FAM98A: variants seen among roughly 807,000 people sequenced by gnomAD.
The protein encoded by FAM98A is tRNA splicing ligase complex subunit 3A, also known as protein FAM98A.
A neutral mutation model predicts 62.9 loss-of-function variants in FAM98A; 25 were observed. The ratio of observed to expected loss-of-function variants is 0.40; its 90% CI spans 0.29 to 0.56. The LOEUF is 0.56. FAM98A is among the 20% of genes least tolerant of loss of function. The pLI is 0.51. For missense variants in FAM98A, 653 were observed against 640.7 expected (o/e 1.02, Z -0.21); for synonymous variants, 252 against 228.6 (o/e 1.10, Z -0.92).
chr2:33,594,535 TAAAAAAA>T (rs1160445620), intron 2 of FAM98A, among the ~76,000 whole-genome samples: 14 of 34,274 alleles, frequency 4.1e-4, no homozygotes, highest in African/African-American at 2.4e-3. Flanking sequence ...AACATAAAGT[TAAAAAAA>T]AAAAAAAAAA....
intron 1 of FAM98A, among the ~76,000 whole-genome samples, chr2:33,598,660 C>G (rs931499421): frequency 6.6e-6 from 1 of 152,068 alleles, no homozygotes; most frequent in African/African-American, 2.4e-5. Context: ...GATGCAGCGC[C>G]CATACAAGTG....
Position 33,585,545 on chromosome 2 carries a change from G to C in FAM98A, c.873C>G (p.Ala291=), listed in dbSNP as rs760181620. 7.4e-6 allele frequency: 12 copies of C among 1,614,178 alleles called. No homozygotes were observed. Among genetic ancestry groups the C allele is most frequent in the Non-Finnish European group, 1.0e-5 (12 of 1,180,040 alleles). Residue 291 remains alanine, a synonymous_variant, in exon 7 of 8, where the codon GCC becomes GCG. Transcript: ENST00000238823. ...TSSGSIREKT[A]CAINKVLMGR... is the part of the protein sequence containing the mutation. ...CTCTAATCACCTTATTGATGGCACA[G>C]GCAGTCTTTTCTCTTATAGAGCCGC...
At chr2:33,585,989 C>T (rs575908761) in intron 6 of FAM98A, among the ~76,000 whole-genome samples, 1 of 152,286 alleles carries the variant, frequency 6.6e-6, no homozygotes, top group East Asian at 1.9e-4. Flanking sequence ...AAGGTTCCCC[C>T]ATCATTGGTC....
chr2:33,591,936 G>A (rs1015813590), intron 3 of FAM98A, 144 bp downstream of exon 3: 7 of 738,784 alleles, frequency 9.5e-6, no homozygotes, highest in Non-Finnish European at 1.5e-5. Context: ...CTCCTAAATT[G>A]GAAATTTAAG....
intron 1 of FAM98A, among the ~76,000 whole-genome samples, chr2:33,597,933 A>G (rs936485233): frequency 2.0e-5 from 3 of 152,236 alleles, no homozygotes; most frequent in Non-Finnish European, 1.5e-5. Flanking sequence ...TGTGTGAACA[A>G]GCGATTCAGT....
At chr2:33,596,707 C>G (rs6718437) in intron 1 of FAM98A, among the ~76,000 whole-genome samples, 23,767 of 151,850 alleles carry the variant, frequency 0.16, 2,347 homozygotes, top group Non-Finnish European at 0.23. Context: ...CTGGCTAACA[C>G]GATGAAACCC....
At chr2:33,593,167 G>T (rs551986638) in intron 2 of FAM98A, among the ~76,000 whole-genome samples, 1 of 152,330 alleles carries the variant, frequency 6.6e-6, no homozygotes, top group East Asian at 1.9e-4. Flanking sequence ...ACTTTGGAAG[G>T]CCGAGACGAG....
At chr2:33,592,556 G>T (rs533496574) in intron 2 of FAM98A, among the ~76,000 whole-genome samples, 1 of 152,112 alleles carries the variant, frequency 6.6e-6, no homozygotes, top group Non-Finnish European at 1.5e-5. Flanking sequence ...CTTTTGTAGA[G>T]ACTAGGTCTC....
intron 6 of FAM98A, among the ~76,000 whole-genome samples, chr2:33,586,282 T>C (rs1437281098): frequency 1.3e-5 from 2 of 152,362 alleles, no homozygotes; most frequent in African/African-American, 4.8e-5. Flanking sequence ...TTTATTATTT[T>C]AGTAATTTTC....
intron 4 of FAM98A, chr2:33,587,995 A>C (rs1216792064): frequency 3.6e-6 from 1 of 278,344 alleles, no homozygotes; most frequent in Admixed American, 4.4e-5. Flanking sequence ...GTGATAAAGA[A>C]CTTAAATTGA....
chr2:33,589,707 C>T (rs764598291), intron 3 of FAM98A: 5 of 152,126 alleles, frequency 3.3e-5, no homozygotes, highest in Non-Finnish European at 7.4e-5. Flanking sequence ...TGAGTTAAAA[C>T]GTCAAAACAG....
At chr2:33,591,535 G>C (rs1423088133) in intron 3 of FAM98A, among the ~76,000 whole-genome samples, 1 of 152,084 alleles carries the variant, frequency 6.6e-6, no homozygotes, top group East Asian at 1.9e-4. Flanking sequence ...CTCAGAATAA[G>C]TACCAGAACA....
intron 1 of FAM98A, among the ~76,000 whole-genome samples, chr2:33,598,627 C>T (rs185587056): frequency 6.6e-6 from 1 of 152,236 alleles, no homozygotes; most frequent in African/African-American, 2.4e-5. Context: ...GTTAGATGCA[C>T]AAGCGAGCTG....
chr2:33,594,664 TACAC>T (rs1677759377), intron 2 of FAM98A, among the ~76,000 whole-genome samples: 1 of 106,862 alleles, frequency 9.4e-6, no homozygotes, highest in Non-Finnish European at 1.8e-5. Context: ...CACATATATA[TACAC>T]ATATATATAT....
chr2:33,593,183 G>A (rs1454055077), intron 2 of FAM98A, among the ~76,000 whole-genome samples: 2 of 152,152 alleles, frequency 1.3e-5, no homozygotes, highest in Non-Finnish European at 2.9e-5. Context: ...ACGAGTGGAT[G>A]GTTTGAGTTC....
chr2:33,584,672 T>G lies in FAM98A; in HGVS notation c.*104A>C. The G allele has an allele frequency of 1.0e-6, 1 of 1,003,290 alleles. No individual in the cohort carries two copies. Among genetic ancestry groups the G allele is most frequent in the Non-Finnish European group, 1.5e-6 (1 of 671,242 alleles). The allele number at this position is 1,003,290 out of a possible 1,614,324, so 62.1% of individuals were successfully genotyped here. On this transcript the variant is annotated 3_prime_UTR_variant, in exon 8 of 8. Transcript: ENST00000238823. ...TGCTTATGCCAAGCAGGAATCTGCC[T>G]GCCACCTGTGGTCTCACATTAATTC... is the stretch of plus-strand genomic sequence containing the variant.
At chr2:33,587,172 A>G (rs1677574551) in intron 5 of FAM98A, 68 bp downstream of exon 5, 3 of 950,140 alleles carry the variant, frequency 3.2e-6, no homozygotes, top group Non-Finnish European at 5.0e-6. Flanking sequence ...ACAAAATGTA[A>G]GTGTTGACAT....
At chr2:33,594,949 G>A (rs1270669369) in intron 2 of FAM98A, among the ~76,000 whole-genome samples, 1 of 152,142 alleles carries the variant, frequency 6.6e-6, no homozygotes. Context: ...AACAAAATTG[G>A]TAAATGCAGA....
intron 1 of FAM98A, among the ~76,000 whole-genome samples, chr2:33,598,479 G>A (rs1289676441): frequency 1.3e-5 from 2 of 152,276 alleles, no homozygotes; most frequent in East Asian, 3.9e-4. Flanking sequence ...TAAATATCAG[G>A]AGAAGGAGAG....
Sources: allele counts gnomAD v4.1 joint callset (sites outside exome capture counted in the v4.1 genomes callset), GRCh38; gene constraint gnomAD v4.1.1; transcripts MANE v1.5; gene names NCBI Gene and HGNC (gene_info 2026-07-23, HGNC 2026-07-21).